NEBL: variants seen among roughly 807,000 people sequenced by gnomAD.
NEBL encodes nebulette.
A neutral mutation model predicts 140.2 loss-of-function variants in NEBL; 122 were observed. The observed-to-expected ratio is 0.87, with a 90% confidence interval of 0.75 to 1.01. The LOEUF (loss-of-function observed/expected upper bound fraction) is 1.01, where lower values mean the gene tolerates loss of function less well. NEBL is among the 50% of genes least tolerant of loss of function. The probability of loss-of-function intolerance (pLI) is 0.00; values close to 1 mark genes in which losing one functional copy is unlikely to be tolerated. For synonymous variants in NEBL, 436 were observed against 398.9 expected, an observed-to-expected ratio of 1.09 and a Z score of -1.11; for missense variants, 1,365 against 1,231.3, an observed-to-expected ratio of 1.11 and a Z score of -1.62.
At chr10:21,025,623 C>T (rs944348220) in intron 2 of NEBL, among the ~76,000 whole-genome samples, 1 of 152,252 alleles carries the variant, frequency 6.6e-6, no homozygotes, top group Non-Finnish European at 1.5e-5. Flanking sequence ...TGAGAAAGAA[C>T]ATGACTGGGG....
At chr10:20,956,270 A>T (rs188031581) in intron 4 of NEBL, among the ~76,000 whole-genome samples, 75 of 152,294 alleles carry the variant, frequency 4.9e-4, no homozygotes, top group African/African-American at 1.5e-3. Context: ...TGTTCAGAGG[A>T]TCTAATTAAA....
intron 8 of NEBL, 115 bp from the exon 9 acceptor site, chr10:20,858,459 C>A: frequency 3.4e-6 from 3 of 883,120 alleles, no homozygotes; most frequent in Non-Finnish European, 5.4e-6. Flanking sequence ...AATGGACAGA[C>A]GAATTTACAA....
At chr10:21,170,778 T>C (rs1409175088) in intron 2 of NEBL, 2 of 152,530 alleles carry the variant, frequency 1.3e-5, no homozygotes, top group Admixed American at 6.5e-5. Flanking sequence ...AGATAAAATT[T>C]TTTTTAAGTT....
At chr10:21,132,211 C>T (rs2132072962) in intron 2 of NEBL, among the ~76,000 whole-genome samples, 1 of 152,244 alleles carries the variant, frequency 6.6e-6, no homozygotes, top group African/African-American at 2.4e-5. Context: ...CTGTCCTGCA[C>T]ATTTCATATA....
chr10:21,013,616 G>A (rs1429244716), intron 3 of NEBL, among the ~76,000 whole-genome samples: 1 of 152,206 alleles, frequency 6.6e-6, no homozygotes, highest in Admixed American at 6.5e-5. Flanking sequence ...AGTGGCTCAC[G>A]CCTGTAATCC....
chr10:21,071,105 G>A (rs1835799181), intron 2 of NEBL, among the ~76,000 whole-genome samples: 1 of 151,836 alleles, frequency 6.6e-6, no homozygotes, highest in African/African-American at 2.4e-5. Context: ...CCAGGAGCTT[G>A]AGGCTAAAGT....
intron 2 of NEBL, among the ~76,000 whole-genome samples, chr10:21,149,206 G>A (rs1433159285): frequency 2.0e-5 from 3 of 152,234 alleles, no homozygotes; most frequent in African/African-American, 7.2e-5. Context: ...TGTTCCTGGA[G>A]GGGGTGCAGC....
intron 3 of NEBL, among the ~76,000 whole-genome samples, chr10:21,227,057 T>C (rs554890694): frequency 6.6e-6 from 1 of 152,202 alleles, no homozygotes; most frequent in Non-Finnish European, 1.5e-5. Flanking sequence ...TATATTTTCT[T>C]ATAAAATAGC....
chr10:21,209,936 A>G (rs913388401), intron 3 of NEBL, among the ~76,000 whole-genome samples: 2 of 152,046 alleles, frequency 1.3e-5, no homozygotes, highest in Non-Finnish European at 2.9e-5. Context: ...GAATTAAACC[A>G]AGACCAAAAA....
chr10:20,780,033 T>C lies in NEBL; in HGVS notation c.*5714A>G, dbSNP rs1354827292. On this transcript the variant is annotated 3_prime_UTR_variant, in exon 28 of 28. Transcript: ENST00000377122. Reference sequence around the variant, plus strand: ...TCCGCAAAGTTTATCAATTTACAATTAGGAAGGATTATGAGCCAAAGAGAA... The same window carrying C: ...TCCGCAAAGTTTATCAATTTACAATCAGGAAGGATTATGAGCCAAAGAGAA... 1 of 152,156 alleles carries C rather than the reference T, an allele frequency of 6.6e-6. No homozygotes were observed. The highest frequency in any genetic ancestry group is 2.4e-5 in the African/African-American group (1 of 41,416). The allele number at this position is 152,156 out of a possible 1,614,324, so 9.4% of individuals were successfully genotyped here.
intron 3 of NEBL, among the ~76,000 whole-genome samples, chr10:20,980,474 T>C (rs2131662340): frequency 6.6e-6 from 1 of 152,260 alleles, no homozygotes; most frequent in African/African-American, 2.4e-5. Flanking sequence ...AACAGGCAGA[T>C]GTACAAACAC....
intron 3 of NEBL, among the ~76,000 whole-genome samples, chr10:20,998,211 A>C (rs771028816): frequency 2.2e-4 from 34 of 152,188 alleles, no homozygotes; most frequent in Non-Finnish European, 4.4e-4. Context: ...TTGGAGTCGG[A>C]AAGTCCTGAG....
Position 21,200,918 on chromosome 10 carries a change from A to T in NEBL, n.349-28441T>A, listed in dbSNP as rs540021713. Among the ~76,000 whole-genome samples, 6 of 152,072 alleles carry T rather than the reference A, an allele frequency of 3.9e-5. No individual in the cohort carries two copies. In the South Asian group the frequency reaches 8.3e-4, roughly 21 times the overall value. On this transcript the variant is annotated intron_variant and non_coding_transcript_variant, in intron 3 of 8. Coordinates refer to the NEBL transcript ENST00000675702. Reference sequence around the variant, plus strand: ...AGAGCAGCCTGGGCAACAGAGAGATATCCCGTCTAAAAAAATAAAAAATTA... The same window carrying T: ...AGAGCAGCCTGGGCAACAGAGAGATTTCCCGTCTAAAAAAATAAAAAATTA...
At chr10:21,161,238 C>T (rs920234531) in intron 2 of NEBL, among the ~76,000 whole-genome samples, 21 of 151,828 alleles carry the variant, frequency 1.4e-4, no homozygotes. Flanking sequence ...TGCTATGTTG[C>T]CCAGGCTGGT....
intron 2 of NEBL, among the ~76,000 whole-genome samples, chr10:21,061,321 A>ATTATGTGATATGTAATGTG (rs1564497109): frequency 7.8e-6 from 1 of 127,544 alleles, no homozygotes; most frequent in Admixed American, 7.7e-5. Context: ...TATGTAATAT[A>ATTATGTGATATGTAATGTG]TTACATATTA....
intron 4 of NEBL, among the ~76,000 whole-genome samples, chr10:20,931,444 A>T (rs1210638914): frequency 6.6e-6 from 1 of 152,226 alleles, no homozygotes; most frequent in East Asian, 1.9e-4. Flanking sequence ...AAATGGACAA[A>T]TCAGAATTGA....
intron 9 of NEBL, among the ~76,000 whole-genome samples, chr10:20,856,056 G>A (rs1477193104): frequency 6.6e-6 from 1 of 152,114 alleles, no homozygotes; most frequent in African/African-American, 2.4e-5. Context: ...TTTATACAAT[G>A]TACACAACTT....
upstream of NEBL, chr10:21,175,017 AACTC>A (rs1841266594): frequency 2.0e-5 from 3 of 152,228 alleles, no homozygotes; most frequent in Non-Finnish European, 4.4e-5. Flanking sequence ...AGCAATTACA[AACTC>A]GTAGTCCAAA....
intron 3 of NEBL, among the ~76,000 whole-genome samples, chr10:20,962,966 G>A (rs1387498449): frequency 6.8e-6 from 1 of 148,006 alleles, no homozygotes. Flanking sequence ...TCAAGGATAC[G>A]ACAAGATTTT....
Sources: gnomAD v4.1 joint callset for allele counts (sites outside exome capture counted in the v4.1 genomes callset) on GRCh38, gnomAD v4.1.1 for gene constraint, MANE v1.5 for transcripts, NCBI Gene and HGNC (gene_info 2026-07-23, HGNC 2026-07-21) for gene names.